GTF3C1: variants seen among roughly 807,000 people sequenced by gnomAD.
GTF3C1 encodes general transcription factor 3C polypeptide 1.
GTF3C1 carries 57 observed loss-of-function variants against 226.7 expected under a neutral mutation model. That is an observed-to-expected ratio of 0.25 (90% CI 0.20 to 0.31). GTF3C1 has a LOEUF of 0.31. Ranked by LOEUF, GTF3C1 falls within the 10% of genes least tolerant of loss-of-function variation. The pLI, the probability that GTF3C1 is intolerant of heterozygous loss-of-function variation, is 1.00. For synonymous variants in GTF3C1, 1,090 were observed against 1,084.8 expected (o/e 1.00, Z -0.09); for missense variants, 2,217 against 2,776.1 (o/e 0.80, Z 4.53).
In GTF3C1 at chr16:27,493,214, T is replaced by C. The variant is rs1257603818; in HGVS notation, c.2861A>G (p.Gln954Arg). ...ATGGCCTCACCTCTTGTACAGAAGCTGCTGCCGAATGGGCCTGGGGAGAAA... is the reference window on the plus strand; with the variant it reads ...ATGGCCTCACCTCTTGTACAGAAGCCGCTGCCGAATGGGCCTGGGGAGAAA... ...IRFLPRPIRQ[Q>R]LLYKRRYIFS... The change falls in exon 17 of 37, where the codon CAG (glutamine) becomes CGG (arginine). Residue 954 changes from glutamine (Q) to arginine (R), a missense_variant. Transcript: ENST00000356183. 6.2e-7 allele frequency: 1 copy of C among 1,604,068 alleles called. No homozygotes were observed. Among genetic ancestry groups the C allele is most frequent in the Non-Finnish European group, 8.5e-7 (1 of 1,170,818 alleles).
intron 29 of GTF3C1, among the ~76,000 whole-genome samples, chr16:27,475,572 T>C (rs1463934104): frequency 6.6e-6 from 1 of 152,090 alleles, no homozygotes; most frequent in African/African-American, 2.4e-5. Context: ...GACTGAGATA[T>C]GTGGTCTTGG....
chr16:27,545,290 T>G, intron 2 of GTF3C1, 24 bp downstream of exon 2: 1 of 1,563,404 alleles, frequency 6.4e-7, no homozygotes, highest in Non-Finnish European at 8.8e-7. Flanking sequence ...TTCCCAGGAA[T>G]TTCTGATGGT....
intron 6 of GTF3C1, among the ~76,000 whole-genome samples, chr16:27,523,066 T>C (rs2088774894): frequency 6.6e-6 from 1 of 152,208 alleles, no homozygotes; most frequent in African/African-American, 2.4e-5. Context: ...ACCTAGCCAG[T>C]TGACCACCTC....
chr16:27,498,865 C>T (rs1240672393), intron 12 of GTF3C1, 132 bp from the exon 13 acceptor site: 20 of 648,010 alleles, frequency 3.1e-5, no homozygotes, highest in East Asian at 8.1e-5. Flanking sequence ...ATTAGGAGAT[C>T]GAAACAAAAT....
Position 27,545,664 on chromosome 16 carries a change from T to A in GTF3C1, c.222-141A>T, listed in dbSNP as rs2089152282. The A allele has an allele frequency of 6.3e-6, 4 of 634,764 alleles. 1 individual carries two copies. Among genetic ancestry groups the A allele is most frequent in the Admixed American group, 5.1e-5 (2 of 39,102 alleles). 39.3% of individuals were successfully genotyped at this position (634,764 alleles called of 1,614,324 possible). A position where few individuals can be genotyped will look rare whatever the true frequency, so the allele number is the denominator to read the frequency against. ...TTTCCTGCCTTATAAATGCAGATAA[T>A]CTTGACAAGCAGGTTCCTGCCTTTC... On this transcript the variant is annotated intron_variant, in intron 1 of 36. Coordinates refer to ENST00000356183, the MANE Select transcript of GTF3C1 (RefSeq NM_001520.4).
intron 2 of GTF3C1, among the ~76,000 whole-genome samples, chr16:27,543,589 G>C (rs1323296592): frequency 6.6e-6 from 1 of 151,974 alleles, no homozygotes; most frequent in Non-Finnish European, 1.5e-5. Flanking sequence ...GTAGTGATGG[G>C]GTCTTGCTAT....
intron 6 of GTF3C1, among the ~76,000 whole-genome samples, chr16:27,519,551 C>T (rs2088713340): frequency 6.6e-6 from 1 of 152,138 alleles, no homozygotes; most frequent in African/African-American, 2.4e-5. Flanking sequence ...CTGAGTTCAG[C>T]CCAGTCTCAC....
intron 6 of GTF3C1, among the ~76,000 whole-genome samples, chr16:27,527,325 G>C (rs1180928460): frequency 1.3e-5 from 2 of 152,202 alleles, no homozygotes; most frequent in African/African-American, 2.4e-5. Flanking sequence ...GGGATTACAG[G>C]CGTGTGCCAC....
chr16:27,496,414 ATTG>A (rs1281671000), intron 14 of GTF3C1, among the ~76,000 whole-genome samples: 1 of 152,012 alleles, frequency 6.6e-6, no homozygotes, highest in Non-Finnish European at 1.5e-5. Context: ...TTTGTTGTTT[ATTG>A]TTGTTGTTGT....
chr16:27,499,031 G>A (rs373426296), intron 12 of GTF3C1, among the ~76,000 whole-genome samples: 2 of 152,154 alleles, frequency 1.3e-5, no homozygotes, highest in African/African-American at 2.4e-5. Context: ...TTACTGGGCC[G>A]TCACAGCCCA....
intron 27 of GTF3C1, 128 bp from the exon 28 acceptor site, chr16:27,478,659 ATGTCGAGTGCT>A (rs1181330406): frequency 1.3e-6 from 1 of 757,128 alleles, no homozygotes; most frequent in Non-Finnish European, 2.4e-6. Context: ...AACTCACCAA[ATGTCGAGTGCT>A]GTGCATGTAA....
At chr16:27,525,513 C>T (rs2088819295) in intron 6 of GTF3C1, among the ~76,000 whole-genome samples, 1 of 152,212 alleles carries the variant, frequency 6.6e-6, no homozygotes, top group South Asian at 2.1e-4. Flanking sequence ...CTGTGTGATA[C>T]CATCTCCTCC....
chr16:27,475,938 C>T (rs2087944520), intron 29 of GTF3C1, among the ~76,000 whole-genome samples: 1 of 152,186 alleles, frequency 6.6e-6, no homozygotes, highest in Admixed American at 6.5e-5. Flanking sequence ...ACTTAAAAAC[C>T]TCAGCTCTGG....
At chr16:27,504,143 T>A (rs2088449491) in intron 10 of GTF3C1, among the ~76,000 whole-genome samples, 1 of 152,236 alleles carries the variant, frequency 6.6e-6, no homozygotes, top group African/African-American at 2.4e-5. Flanking sequence ...GCCAAGAGCC[T>A]CCCTGCAAAC....
In GTF3C1 at chr16:27,507,052, G is replaced by A; in HGVS notation, c.1347C>T (p.Arg449=). The part of the protein sequence containing the change: ...LSRQYQREKA[R]SELLTTVSLA... ...GGCTCACGGTGGTCAAGAGCTCGCT[G>A]CGGGCCTTCTCTCTTTGGTACTGCC... is the stretch of plus-strand genomic sequence containing the variant. The change falls in exon 9 of 37, where the codon CGC becomes CGT. Residue 449 remains arginine, a synonymous_variant. Coordinates refer to ENST00000356183, the MANE Select transcript of GTF3C1 (RefSeq NM_001520.4). This position sits in a 1 kb window ranked among gnomAD's most constrained non-coding sequence, Gnocchi z 4.9. 2 of 1,613,696 alleles carry A rather than the reference G, an allele frequency of 1.2e-6. No individual in the cohort carries two copies. Among genetic ancestry groups the A allele is most frequent in the Non-Finnish European group, 1.7e-6 (2 of 1,179,884 alleles).
intron 29 of GTF3C1, among the ~76,000 whole-genome samples, chr16:27,474,318 G>GC (rs1413518853): frequency 1.3e-5 from 2 of 152,218 alleles, no homozygotes; most frequent in African/African-American, 4.8e-5. Flanking sequence ...GAGCCCAGGT[G>GC]CCACCTGGAG....
In GTF3C1 at chr16:27,469,658, CA is replaced by C; in HGVS notation, c.4815-109del. The C allele has an allele frequency of 1.7e-6, 2 of 1,201,586 alleles. No individual in the cohort carries two copies. The highest frequency in any genetic ancestry group is 2.4e-6 in the Non-Finnish European group (2 of 841,830). 74.4% of individuals were successfully genotyped at this position (1,201,586 alleles called of 1,614,324 possible). ...TGTGGCTGGGCTTCAGCAGTGGCCC[CA>C]GCAACTGGCTATGCTTCATTACCAA... On this transcript the variant is annotated intron_variant, in intron 31 of 36. Coordinates refer to ENST00000356183, the MANE Select transcript of GTF3C1 (RefSeq NM_001520.4). This position sits in a 1 kb window ranked among gnomAD's most constrained non-coding sequence, Gnocchi z 4.5.
chr16:27,469,695 G>T lies in GTF3C1; in HGVS notation c.4815-145C>A, dbSNP rs1322876583. The T allele has an allele frequency of 2.3e-6, 2 of 872,580 alleles. No individual in the cohort carries two copies. The highest frequency in any genetic ancestry group is 2.3e-5 in the Admixed American group (1 of 42,604). The allele number at this position is 872,580 out of a possible 1,614,324, so 54.1% of individuals were successfully genotyped here. A position where few individuals can be genotyped will look rare whatever the true frequency, so the allele number is the denominator to read the frequency against. On this transcript the variant is annotated intron_variant, in intron 31 of 36. Coordinates refer to ENST00000356183, the MANE Select transcript of GTF3C1 (RefSeq NM_001520.4). This position sits in a 1 kb window ranked among gnomAD's most constrained non-coding sequence, Gnocchi z 4.5. ...ATGCTTCATTACCAAGGCTGGTGTG[G>T]ATGGCTGCCCCAGATCCATCCCCTT...
At chr16:27,517,364 G>C (rs2088673774) in intron 6 of GTF3C1, among the ~76,000 whole-genome samples, 1 of 152,138 alleles carries the variant, frequency 6.6e-6, no homozygotes, top group Non-Finnish European at 1.5e-5. Context: ...AAAGCCACAG[G>C]GGCAGAGCAA....
Sources: allele counts gnomAD v4.1 joint callset (sites outside exome capture counted in the v4.1 genomes callset), GRCh38; gene constraint gnomAD v4.1.1; non-coding constraint Gnocchi (gnomAD v3.1); transcripts MANE v1.5; gene names NCBI Gene and HGNC (gene_info 2026-07-23, HGNC 2026-07-21).